B3GALT5: variants seen among roughly 807,000 people sequenced by gnomAD.
B3GALT5 encodes beta-1,3-galactosyltransferase 5.
For synonymous variants in B3GALT5, 156 were observed against 158.6 expected (o/e 0.98, Z 0.12); for missense variants, 328 against 396.6 (o/e 0.83, Z 1.47).
chr21:39,617,843 A>G (rs1465293792), intron 1 of B3GALT5, among the ~76,000 whole-genome samples: 1 of 152,192 alleles, frequency 6.6e-6, no homozygotes, highest in African/African-American at 2.4e-5. Flanking sequence ...GGAAGCCAGA[A>G]GATCGGATAC....
intron 2 of B3GALT5, among the ~76,000 whole-genome samples, chr21:39,649,659 G>T (rs2079375855): frequency 6.6e-6 from 1 of 152,168 alleles, no homozygotes; most frequent in Admixed American, 6.5e-5. Flanking sequence ...AGACCCCAGG[G>T]GCGAGGGGGA....
chr21:39,625,289 G>A (rs1288936109), intron 1 of B3GALT5, among the ~76,000 whole-genome samples: 1 of 152,192 alleles, frequency 6.6e-6, no homozygotes, highest in Non-Finnish European at 1.5e-5. Flanking sequence ...GAGTTAGAAA[G>A]CAGTTTTCGT....
intron 1 of B3GALT5, among the ~76,000 whole-genome samples, chr21:39,622,380 ATGC>A (rs1165818125): frequency 6.6e-6 from 1 of 152,116 alleles, no homozygotes; most frequent in African/African-American, 2.4e-5. Context: ...TATTCTTAGA[ATGC>A]TATCAATTTT....
At position 39,671,193 on chromosome 21, in the gene B3GALT5, C is replaced by T. The variant is rs963736874; in HGVS notation, c.*9701C>T. ...CCTCTTAAAAGGTCCCACCTCTCAA[C>T]GCTGTTGCACTGGGGATTAAGTTTC... On this transcript the variant is annotated 3_prime_UTR_variant, in exon 4 of 4. Coordinates refer to ENST00000684187, the MANE Select transcript of B3GALT5 (RefSeq NM_001356336.2). 2.0e-5 allele frequency: 3 copies of T among 152,214 alleles called. No individual in the cohort carries two copies. The highest frequency in any genetic ancestry group is 7.2e-5 in the African/African-American group (3 of 41,446). The allele number at this position is 152,214 out of a possible 1,614,324, so 9.4% of individuals were successfully genotyped here. A position where few individuals can be genotyped will look rare whatever the true frequency, so the allele number is the denominator to read the frequency against.
At chr21:39,633,764 A>T (rs2079207364) in intron 1 of B3GALT5, among the ~76,000 whole-genome samples, 1 of 152,204 alleles carries the variant, frequency 6.6e-6, no homozygotes, top group Admixed American at 6.5e-5. Flanking sequence ...ACATTGGCAA[A>T]GTTCTTTCTA....
At chr21:39,620,208 C>A (rs2079127281) in intron 1 of B3GALT5, among the ~76,000 whole-genome samples, 1 of 152,196 alleles carries the variant, frequency 6.6e-6, no homozygotes, top group Non-Finnish European at 1.5e-5. Flanking sequence ...CAGCCAGAAT[C>A]CCATATTGCA....
At chr21:39,628,467 G>C (rs2079175294) in intron 1 of B3GALT5, among the ~76,000 whole-genome samples, 2 of 152,152 alleles carry the variant, frequency 1.3e-5, no homozygotes, top group Non-Finnish European at 2.9e-5. Context: ...ACACGTTTTA[G>C]CACCCACTTA....
intron 1 of B3GALT5, among the ~76,000 whole-genome samples, chr21:39,615,574 A>C (rs2079103290): frequency 1.3e-5 from 2 of 152,218 alleles, no homozygotes; most frequent in Admixed American, 1.3e-4. Flanking sequence ...GCATTGAATA[A>C]ATATTCTTGC....
chr21:39,648,973 C>A (rs919105764), intron 2 of B3GALT5, among the ~76,000 whole-genome samples: 1 of 152,182 alleles, frequency 6.6e-6, no homozygotes, highest in East Asian at 1.9e-4. Flanking sequence ...GTCTCCAGTA[C>A]CATGAGAAAA....
rs2079265420 is a variant in B3GALT5 at position 39,639,400 on chromosome 21, T to TCCTTCCTTC, written c.-391-6992_-391-6991insCCTTCCTTC. ...CTTCCTTCCTTCCTTCCTTCTTTCTTTTTCTTTCTTTCTTTCTTTCTTTCT... is the reference window on the plus strand; with the variant it reads ...CTTCCTTCCTTCCTTCCTTCTTTCTTCCTTCCTTCTTTCTTTCTTTCTTTCTTTCTTTCT... On this transcript the variant is annotated intron_variant, in intron 1 of 3. Transcript: ENST00000684187. Among the ~76,000 whole-genome samples, 16 of 57,198 alleles carry TCCTTCCTTC rather than the reference T, an allele frequency of 2.8e-4. 1 individual carries two copies. The highest frequency in any genetic ancestry group is 2.5e-3 in the East Asian group (5 of 2,022). The allele number at this position is 57,198 out of a possible 152,430, so 37.5% of individuals were successfully genotyped here.
At position 39,668,800 on chromosome 21, in the gene B3GALT5, A is replaced by G. The variant is rs540449552; in HGVS notation, c.*7308A>G. Reference sequence around the variant, plus strand: ...AAGTCCCTTGAGTGGCAAGTTACTTATCTTCTCATTGTCTCCGTTTTGTTA... The same window carrying G: ...AAGTCCCTTGAGTGGCAAGTTACTTGTCTTCTCATTGTCTCCGTTTTGTTA... On this transcript the variant is annotated 3_prime_UTR_variant, in exon 4 of 4. Transcript: ENST00000684187. 1.3e-5 allele frequency: 2 copies of G among 152,266 alleles called. No homozygotes were observed. The highest frequency in any genetic ancestry group is 2.9e-5 in the Non-Finnish European group (2 of 68,088). The allele number at this position is 152,266 out of a possible 1,614,324, so 9.4% of individuals were successfully genotyped here.
chr21:39,626,720 A>C (rs2079165818), intron 1 of B3GALT5, among the ~76,000 whole-genome samples: 1 of 151,896 alleles, frequency 6.6e-6, no homozygotes, highest in Non-Finnish European at 1.5e-5. Flanking sequence ...TCATGAGCTT[A>C]TTGGCCATCT....
intron 1 of B3GALT5, among the ~76,000 whole-genome samples, chr21:39,623,106 C>CCCTG (rs1483344367): frequency 1.2e-4 from 17 of 143,742 alleles, no homozygotes; most frequent in African/African-American, 4.5e-4. Flanking sequence ...TTCCCTCCCT[C>CCCTG]CTTCCTTCGT....
rs1448196606 is a variant in B3GALT5 at position 39,671,274 on chromosome 21, C to G, written c.*9782C>G. 6.6e-6 allele frequency: 1 copy of G among 152,180 alleles called. No homozygotes were observed. The highest frequency in any genetic ancestry group is 1.5e-5 in the Non-Finnish European group (1 of 68,030). The allele number at this position is 152,180 out of a possible 1,614,324, so 9.4% of individuals were successfully genotyped here. On this transcript the variant is annotated 3_prime_UTR_variant, in exon 4 of 4. Transcript: ENST00000684187. The stretch of plus-strand genomic sequence containing the variant: ...AACTGTAGCAGGAATTATTTGCTTT[C>G]TCATAACATTTTTTTAATTAATTAA...
chr21:39,635,444 G>A (rs2079220537), intron 1 of B3GALT5, among the ~76,000 whole-genome samples: 1 of 152,130 alleles, frequency 6.6e-6, no homozygotes, highest in African/African-American at 2.4e-5. Flanking sequence ...TATTGTGTCT[G>A]TACTACTTTC....
chr21:39,644,572 A>G (rs563574054), intron 1 of B3GALT5, among the ~76,000 whole-genome samples: 2 of 152,346 alleles, frequency 1.3e-5, no homozygotes, highest in South Asian at 4.1e-4. Context: ...GAGAAGGTAC[A>G]GCTTCAGCGG....
chr21:39,628,187 A>T (rs2079173952), intron 1 of B3GALT5, among the ~76,000 whole-genome samples: 1 of 152,226 alleles, frequency 6.6e-6, no homozygotes, highest in Non-Finnish European at 1.5e-5. Flanking sequence ...AAATACGGTA[A>T]GTAAATTAGG....
intron 1 of B3GALT5, among the ~76,000 whole-genome samples, chr21:39,624,755 T>C (rs993746148): frequency 6.6e-6 from 1 of 151,598 alleles, no homozygotes; most frequent in African/African-American, 2.4e-5. Context: ...TCTTCAAGGA[T>C]AAAAATGTGC....
chr21:39,655,928 C>T (rs755799709), intron 2 of B3GALT5, among the ~76,000 whole-genome samples: 12 of 152,154 alleles, frequency 7.9e-5, no homozygotes, highest in Non-Finnish European at 1.3e-4. Context: ...GTCTGTACAA[C>T]GAATCCACTG....
Sources: gnomAD v4.1 joint callset for allele counts (sites outside exome capture counted in the v4.1 genomes callset) on GRCh38, gnomAD v4.1.1 for gene constraint, MANE v1.5 for transcripts, NCBI Gene and HGNC (gene_info 2026-07-23, HGNC 2026-07-21) for gene names.